The following NEDD4 variants were observed in gnomAD, a reference collection of about 807,000 sequenced individuals.
The protein encoded by NEDD4 is E3 ubiquitin-protein ligase NEDD4.
In NEDD4, 99 loss-of-function variants were observed where a neutral mutation model predicts 144.9. That is an observed-to-expected ratio of 0.68 (90% CI 0.58 to 0.81). The LOEUF is 0.81. Ranked by LOEUF, NEDD4 falls within the 30% of genes least tolerant of loss-of-function variation. The probability of loss-of-function intolerance (pLI) is 0.00; values close to 1 mark genes in which losing one functional copy is unlikely to be tolerated. For missense variants in NEDD4, 985 were observed against 1,065.9 expected, an observed-to-expected ratio of 0.92 and a Z score of 1.06; for synonymous variants, 318 against 350.6, an observed-to-expected ratio of 0.91 and a Z score of 1.04.
At chr15:55,935,796 G>A (rs1763041414) in intron 4 of NEDD4, among the ~76,000 whole-genome samples, 1 of 144,136 alleles carries the variant, frequency 6.9e-6, no homozygotes, top group South Asian at 2.2e-4. Flanking sequence ...GCAGTGAGTT[G>A]AGATCGTGCC....
rs916218436 is a variant in NEDD4 at position 55,872,615 on chromosome 15, C to T, written c.343-139G>A. 23 of 365,740 alleles carry T rather than the reference C, an allele frequency of 6.3e-5. 1 individual carries two copies. Among genetic ancestry groups the T allele is most frequent in the African/African-American group, 4.3e-4 (20 of 47,048 alleles). 22.7% of individuals were successfully genotyped at this position (365,740 alleles called of 1,614,324 possible). The stretch of plus-strand genomic sequence containing the variant: ...AAAAGTAGCTTTAGTTTATCAAATG[C>T]TAACTTGACAGTGCTTTCACTTTCC... On this transcript the variant is annotated intron_variant, in intron 6 of 28. Coordinates refer to ENST00000435532, the MANE Select transcript of NEDD4 (RefSeq NM_006154.4).
chr15:55,915,721 C>T (rs1210597477), intron 5 of NEDD4: 1 of 1,613,976 alleles, frequency 6.2e-7, no homozygotes, highest in Non-Finnish European at 8.5e-7. Context: ...GAATATCCTT[C>T]AGATGACTTT....
At chr15:55,917,509 G>A (rs1180776079) in intron 5 of NEDD4, among the ~76,000 whole-genome samples, 1 of 151,270 alleles carries the variant, frequency 6.6e-6, no homozygotes, top group Non-Finnish European at 1.5e-5. Flanking sequence ...GGTAAATTTG[G>A]AAATACCAAA....
intron 1 of NEDD4, among the ~76,000 whole-genome samples, chr15:55,982,632 G>C (rs1192966312): frequency 3.9e-5 from 6 of 152,230 alleles, no homozygotes; most frequent in Admixed American, 3.3e-4. Context: ...TGGAATGATG[G>C]GAATATTCTG....
chr15:55,838,523 C>A lies in NEDD4; in HGVS notation c.2113G>T (p.Glu705Ter). 6.2e-7 allele frequency: 1 copy of A among 1,611,746 alleles called. No individual in the cohort carries two copies. Among genetic ancestry groups the A allele is most frequent in the Non-Finnish European group, 8.5e-7 (1 of 1,178,684 alleles). The change falls in exon 22 of 29, where the codon GAA becomes TAA. Residue 705 changes from glutamate (E) to a stop codon, truncating the protein, a stop_gained. Coordinates refer to ENST00000435532, the MANE Select transcript of NEDD4 (RefSeq NM_006154.4). LOFTEE classifies it high-confidence loss of function. ...ELDLRFIIDE[E>*]LFGQTHQHEL... ...AATTCACAAACCTGTCCAAAAAGTT[C>A]TTCATCTATGATAAACCTGAGGTCC... is the stretch of plus-strand genomic sequence containing the variant.
At chr15:55,920,791 T>C (rs1472640527) in intron 5 of NEDD4, among the ~76,000 whole-genome samples, 1 of 152,214 alleles carries the variant, frequency 6.6e-6, no homozygotes, top group African/African-American at 2.4e-5. Flanking sequence ...CAATCAGGTC[T>C]GTTACTCCAC....
chr15:55,986,714 C>A (rs62045226), intron 1 of NEDD4, among the ~76,000 whole-genome samples: 4 of 151,022 alleles, frequency 2.6e-5, no homozygotes, highest in Non-Finnish European at 5.9e-5. Flanking sequence ...CTCAGCCTCC[C>A]GAGTAGCTGG....
In NEDD4 at chr15:55,953,721, C is replaced by T. The variant is rs185203488; in HGVS notation, c.120-2132G>A. Among the ~76,000 whole-genome samples the T allele has an allele frequency of 4.9e-4, 75 of 151,916 alleles. No homozygotes were observed. The South Asian group carries it at 0.015, about 30-fold the overall frequency. Reference sequence around the variant, plus strand: ...CCTCACAAAGTGCTGGGATTACAGGCATGAGCCAACATGCCCGGCTTAAAC... The same window carrying T: ...CCTCACAAAGTGCTGGGATTACAGGTATGAGCCAACATGCCCGGCTTAAAC... On this transcript the variant is annotated intron_variant, in intron 2 of 28. Transcript: ENST00000435532.
intron 5 of NEDD4, among the ~76,000 whole-genome samples, chr15:55,899,510 C>T (rs1264070514): frequency 6.6e-6 from 1 of 152,102 alleles, no homozygotes; most frequent in Non-Finnish European, 1.5e-5. Context: ...AAGAAAATAA[C>T]TCAACAAACC....
At chr15:55,938,843 T>C (rs1595861132) in intron 4 of NEDD4, among the ~76,000 whole-genome samples, 1 of 151,848 alleles carries the variant, frequency 6.6e-6, no homozygotes, top group Admixed American at 6.6e-5. Context: ...CAGTGGCTCA[T>C]GCCTGTGATC....
At chr15:55,914,182 A>G (rs1051806583) in intron 5 of NEDD4, among the ~76,000 whole-genome samples, 1 of 147,978 alleles carries the variant, frequency 6.8e-6, no homozygotes, top group African/African-American at 2.5e-5. Flanking sequence ...TTATTCACCT[A>G]AAGTTACTTA....
chr15:55,951,438 A>T, intron 3 of NEDD4, 24 bp from the exon 4 acceptor site: 1 of 1,214,600 alleles, frequency 8.2e-7, no homozygotes, highest in Non-Finnish European at 1.2e-6. Flanking sequence ...AACATAGTAT[A>T]ACTAAATAAG....
At chr15:55,906,927 C>G (rs2036120180) in intron 5 of NEDD4, among the ~76,000 whole-genome samples, 1 of 151,862 alleles carries the variant, frequency 6.6e-6, no homozygotes, top group South Asian at 2.1e-4. Context: ...GAAACCCCAT[C>G]TCTACTAAAA....
chr15:55,970,325 G>A (rs1217358847), intron 1 of NEDD4, among the ~76,000 whole-genome samples: 2 of 152,168 alleles, frequency 1.3e-5, no homozygotes, highest in Non-Finnish European at 2.9e-5. Flanking sequence ...GAACCACCGT[G>A]GGCCAGAAGG....
chr15:55,902,793 AAAAC>A (rs2035952511), intron 5 of NEDD4, among the ~76,000 whole-genome samples: 1 of 152,198 alleles, frequency 6.6e-6, no homozygotes, highest in Non-Finnish European at 1.5e-5. Context: ...TAATCAGAAA[AAAAC>A]AAAGTAATTA....
chr15:55,938,534 G>C (rs1427277671), intron 4 of NEDD4, among the ~76,000 whole-genome samples: 2 of 152,114 alleles, frequency 1.3e-5, no homozygotes. Flanking sequence ...GAAGCTTCTT[G>C]ACTTTGGTCT....
Position 55,963,128 on chromosome 15 carries a change from C to CTTTTT in NEDD4, c.119+3340_119+3344dup, listed in dbSNP as rs754905603. Among the ~76,000 whole-genome samples the CTTTTT allele has an allele frequency of 3.9e-3, 557 of 142,556 alleles. 10 individuals are homozygous for CTTTTT. The highest frequency in any genetic ancestry group is 0.016 in the East Asian group (75 of 4,562). The allele number at this position is 142,556 out of a possible 152,430, so 93.5% of individuals were successfully genotyped here. On this transcript the variant is annotated intron_variant, in intron 2 of 28. Transcript: ENST00000435532. ...CATTTGCTTCTCCTTTTCTGGCACT[C>CTTTTT]TTTTTTATTTTTTTTTTTTTTGAGA...
At chr15:55,859,978 T>G (rs376461438) in intron 11 of NEDD4, among the ~76,000 whole-genome samples, 13 of 152,290 alleles carry the variant, frequency 8.5e-5, no homozygotes, top group African/African-American at 3.1e-4. Flanking sequence ...AATCATAGAA[T>G]TATCCCTGCT....
intron 2 of NEDD4, among the ~76,000 whole-genome samples, chr15:55,957,073 T>C (rs2037349743): frequency 6.6e-6 from 1 of 152,230 alleles, no homozygotes; most frequent in African/African-American, 2.4e-5. Context: ...CGTTTTTAAA[T>C]TGTATTTTCC....
Sources: allele counts gnomAD v4.1 joint callset (sites outside exome capture counted in the v4.1 genomes callset), GRCh38; gene constraint gnomAD v4.1.1; transcripts MANE v1.5; gene names NCBI Gene and HGNC (gene_info 2026-07-23, HGNC 2026-07-21).